The following SBF2 variants were observed in gnomAD, a reference collection of about 807,000 sequenced individuals.
SBF2 encodes the protein SET binding factor 2, also known as myotubularin-related protein 13.
In SBF2, 112 loss-of-function variants were observed where a neutral mutation model predicts 225.2. The observed-to-expected ratio is 0.50, with a 90% CI of 0.43 to 0.58. The LOEUF is 0.58. SBF2 is among the 20% of genes least tolerant of loss of function. The probability of loss-of-function intolerance (pLI) is 0.00; values close to 1 mark genes in which losing one functional copy is unlikely to be tolerated. For missense variants in SBF2, 1,996 were observed against 2,206.2 expected (o/e 0.90, Z 1.91); for synonymous variants, 763 against 773.3 (o/e 0.99, Z 0.22).
At chr11:9,820,609 C>T (rs927909676) in intron 28 of SBF2, among the ~76,000 whole-genome samples, 2 of 152,144 alleles carry the variant, frequency 1.3e-5, no homozygotes, top group South Asian at 4.1e-4. Flanking sequence ...AATGATTTCC[C>T]CCATTTCCTT....
At chr11:10,133,782 C>T (rs947560794) in intron 2 of SBF2, among the ~76,000 whole-genome samples, 2 of 152,042 alleles carry the variant, frequency 1.3e-5, no homozygotes, top group African/African-American at 4.8e-5. Context: ...AAGGGCTCCT[C>T]AAATGCCACC....
chr11:9,963,567 GAA>G (rs746781752), intron 15 of SBF2, among the ~76,000 whole-genome samples: 3 of 152,144 alleles, frequency 2.0e-5, no homozygotes, highest in Non-Finnish European at 2.9e-5. Flanking sequence ...AAATTACTAT[GAA>G]TATATTTCTG....
At chr11:10,196,087 A>G (rs1957346035) in intron 1 of SBF2, among the ~76,000 whole-genome samples, 1 of 152,244 alleles carries the variant, frequency 6.6e-6, no homozygotes, top group African/African-American at 2.4e-5. Flanking sequence ...TCAATGATAG[A>G]AAGACCATAC....
At position 10,050,042 on chromosome 11, in the gene SBF2, C is replaced by T. The variant is rs150658274; in HGVS notation, c.142-7061G>A. On this transcript the variant is annotated intron_variant, in intron 2 of 39. Transcript: ENST00000256190. ...ACTGCCCCTCTGATAAAAAGTGAAT[C>T]AGTTCTGTGAATTAACAGCAAATAA... Among the ~76,000 whole-genome samples, 321 of 152,266 alleles carry T rather than the reference C, an allele frequency of 2.1e-3. 2 individuals are homozygous for T. Among genetic ancestry groups the T allele is most frequent in the African/African-American group, 7.6e-3 (315 of 41,546 alleles).
chr11:10,162,530 T>A (rs1380501453), intron 2 of SBF2, among the ~76,000 whole-genome samples: 1 of 152,154 alleles, frequency 6.6e-6, no homozygotes, highest in African/African-American at 2.4e-5. Flanking sequence ...TAAAAAGATA[T>A]CAGAATGCAG....
intron 2 of SBF2, among the ~76,000 whole-genome samples, chr11:10,173,111 T>C (rs1188113912): frequency 6.6e-6 from 1 of 152,278 alleles, no homozygotes; most frequent in Non-Finnish European, 1.5e-5. Flanking sequence ...ATACTTGATA[T>C]TATTTCAATG....
At chr11:10,238,644 G>A (rs1959168434) in intron 1 of SBF2, among the ~76,000 whole-genome samples, 1 of 150,724 alleles carries the variant, frequency 6.6e-6, no homozygotes, top group Admixed American at 6.6e-5. Flanking sequence ...TGGGCGCAGT[G>A]GTTCACACCT....
chr11:9,825,418 C>T (rs769336244), intron 28 of SBF2, among the ~76,000 whole-genome samples: 1 of 152,138 alleles, frequency 6.6e-6, no homozygotes, highest in African/African-American at 2.4e-5. Context: ...AACTGTGAGA[C>T]AATAGTTGTT....
chr11:10,255,072 G>T (rs1960750946), intron 1 of SBF2, among the ~76,000 whole-genome samples: 1 of 152,000 alleles, frequency 6.6e-6, no homozygotes, highest in Non-Finnish European at 1.5e-5. Context: ...GGTGAATGGT[G>T]GTTATCAGGG....
chr11:9,930,325 A>G (rs1362663702), intron 16 of SBF2, among the ~76,000 whole-genome samples: 2 of 152,218 alleles, frequency 1.3e-5, no homozygotes, highest in Non-Finnish European at 2.9e-5. Context: ...CATACTACAT[A>G]CATCAAAATA....
At chr11:10,234,415 T>C (rs1025785694) in intron 1 of SBF2, among the ~76,000 whole-genome samples, 5 of 152,232 alleles carry the variant, frequency 3.3e-5, no homozygotes, top group Admixed American at 3.3e-4. Context: ...CATGTACATT[T>C]TGTGATAACA....
Position 10,003,978 on chromosome 11 carries a change from TTTC to T in SBF2, c.620-1292_620-1290del, listed in dbSNP as rs1391704916. 1.7e-4 allele frequency among the ~76,000 whole-genome samples: 26 copies of T among 152,338 alleles called. No individual in the cohort carries two copies. The South Asian group carries it at 5.0e-3, about 29-fold the overall frequency. On this transcript the variant is annotated intron_variant, in intron 6 of 39. Coordinates refer to ENST00000256190, the MANE Select transcript of SBF2 (RefSeq NM_030962.4). ...TATATTTTCCCTTTATCATAGCTTA[TTTC>T]TTCATGTGACATGCAAATTTCCTTA...
intron 14 of SBF2, 69 bp downstream of exon 14, chr11:9,968,272 C>T (rs1309674199): frequency 6.5e-6 from 9 of 1,392,216 alleles, no homozygotes; most frequent in Non-Finnish European, 9.2e-6. Flanking sequence ...TCAAATTGCA[C>T]ACTTTTCCTT....
intron 2 of SBF2, among the ~76,000 whole-genome samples, chr11:10,128,151 A>C (rs1300871257): frequency 6.6e-6 from 1 of 152,212 alleles, no homozygotes; most frequent in Non-Finnish European, 1.5e-5. Flanking sequence ...GTGACTCTAC[A>C]GCGCACTGGT....
intron 24 of SBF2, among the ~76,000 whole-genome samples, chr11:9,843,504 A>G (rs1197921521): frequency 6.6e-6 from 1 of 152,254 alleles, no homozygotes; most frequent in African/African-American, 2.4e-5. Flanking sequence ...TAGGCAATCC[A>G]GAGAATTAAA....
At chr11:10,109,602 A>T (rs1175997070) in intron 2 of SBF2, among the ~76,000 whole-genome samples, 1 of 152,192 alleles carries the variant, frequency 6.6e-6, no homozygotes, top group Non-Finnish European at 1.5e-5. Context: ...CAAATTTATC[A>T]TCTCATTTGG....
chr11:9,856,784 GATT>G, intron 18 of SBF2, 64 bp from the exon 19 acceptor site: 1 of 1,115,564 alleles, frequency 9.0e-7, no homozygotes, highest in Non-Finnish European at 1.3e-6. Flanking sequence ...AAAAAACATA[GATT>G]TTTTTTTTTT....
intron 2 of SBF2, among the ~76,000 whole-genome samples, chr11:10,098,527 T>G (rs1952132092): frequency 6.7e-6 from 1 of 149,854 alleles, no homozygotes; most frequent in Non-Finnish European, 1.5e-5. Context: ...AAAGTAAATT[T>G]CTAGTAACTA....
At chr11:9,824,647 G>T (rs189097461) in intron 28 of SBF2, among the ~76,000 whole-genome samples, 1 of 152,092 alleles carries the variant, frequency 6.6e-6, no homozygotes, top group Non-Finnish European at 1.5e-5. Context: ...AGACAACTGT[G>T]CAGCTACAAT....
Sources: gnomAD v4.1 joint callset for allele counts (sites outside exome capture counted in the v4.1 genomes callset) on GRCh38, gnomAD v4.1.1 for gene constraint, MANE v1.5 for transcripts, NCBI Gene and HGNC (gene_info 2026-07-23, HGNC 2026-07-21) for gene names.